Variants in TMC7 observed in about 807,000 individuals in gnomAD.
TMC7 encodes transmembrane channel like 7.
A neutral mutation model predicts 82.9 loss-of-function variants in TMC7; 54 were observed. The ratio of observed to expected loss-of-function variants is 0.65; its 90% CI spans 0.52 to 0.82. TMC7 has a LOEUF of 0.82. Ranked by LOEUF, TMC7 falls within the 40% of genes least tolerant of loss-of-function variation. The pLI, the probability that TMC7 is intolerant of heterozygous loss-of-function variation, is 0.00. For missense variants in TMC7, 820 were observed against 901.2 expected, an observed-to-expected ratio of 0.91 and a Z score of 1.15; for synonymous variants, 350 against 337.9, an observed-to-expected ratio of 1.04 and a Z score of -0.39.
rs1961676440 is a variant in TMC7 at position 19,054,457 on chromosome 16, T to C, written c.1872-2085T>C. 2.0e-5 allele frequency among the ~76,000 whole-genome samples: 3 copies of C among 152,082 alleles called. No homozygotes were observed. In the South Asian group the frequency reaches 6.2e-4, roughly 31 times the overall value. Reference sequence around the variant, plus strand: ...TAGGCTGGGCGCGGTGGCTCACTCCTGTAATCCCAGCACTTTGGGAGGCCA... The same window carrying C: ...TAGGCTGGGCGCGGTGGCTCACTCCCGTAATCCCAGCACTTTGGGAGGCCA... On this transcript the variant is annotated intron_variant, in intron 13 of 15. Coordinates refer to ENST00000304381, the MANE Select transcript of TMC7 (RefSeq NM_024847.4).
chr16:19,016,487 T>G lies in TMC7; in HGVS notation c.349T>G (p.Trp117Gly). 1 of 1,614,200 alleles carries G rather than the reference T, an allele frequency of 6.2e-7. No homozygotes were observed. The highest frequency in any genetic ancestry group is 8.5e-7 in the Non-Finnish European group (1 of 1,180,038). Reference sequence around the variant, plus strand: ...GACACAAATGAAGTATCTCTCCGAATGGGACCAGTGGAAGCGGTATAGCAG... The same window carrying G: ...GACACAAATGAAGTATCTCTCCGAAGGGGACCAGTGGAAGCGGTATAGCAG... ...QETQMKYLSE[W>G]DQWKRYSSKS... Residue 117 changes from tryptophan (W) to glycine (G), a missense_variant, in exon 3 of 16, where the codon TGG (tryptophan) becomes GGG (glycine). Around this residue, in one of 2 missense-constraint regions of TMC7, gnomAD observed 650 missense variants for 669.9 expected, o/e 0.97. Coordinates refer to ENST00000304381, the MANE Select transcript of TMC7 (RefSeq NM_024847.4).
intron 1 of TMC7, among the ~76,000 whole-genome samples, chr16:18,993,947 G>A (rs1421394229): frequency 6.6e-6 from 1 of 152,152 alleles, no homozygotes. Context: ...TGGTGATTAG[G>A]CCTGGTGGAG....
At chr16:19,026,739 G>GTA (rs1469059519) in intron 5 of TMC7, among the ~76,000 whole-genome samples, 1 of 152,066 alleles carries the variant, frequency 6.6e-6, no homozygotes, top group Non-Finnish European at 1.5e-5. Flanking sequence ...GACCTGTGCT[G>GTA]TATAACAATG....
At chr16:18,995,669 G>C (rs1354459599) in intron 1 of TMC7, among the ~76,000 whole-genome samples, 2 of 152,226 alleles carry the variant, frequency 1.3e-5, no homozygotes, top group African/African-American at 4.8e-5. Context: ...TTGTGTGCTA[G>C]AGATGTGGCT....
chr16:19,008,343 G>T (rs1388277001), intron 1 of TMC7, among the ~76,000 whole-genome samples: 2 of 152,230 alleles, frequency 1.3e-5, no homozygotes, highest in African/African-American at 4.8e-5. Context: ...TTTGGAGTCA[G>T]CCCTGGCTTT....
chr16:18,993,458 G>A (rs892939490), intron 1 of TMC7, among the ~76,000 whole-genome samples: 1 of 152,206 alleles, frequency 6.6e-6, no homozygotes, highest in African/African-American at 2.4e-5. Context: ...TGTGTGGGAA[G>A]AGATTGATAG....
chr16:18,997,523 C>T (rs949523914), intron 1 of TMC7, among the ~76,000 whole-genome samples: 3 of 152,010 alleles, frequency 2.0e-5, no homozygotes, highest in African/African-American at 7.2e-5. Context: ...GCGCCCACCA[C>T]CACACCCAGC....
intron 2 of TMC7, among the ~76,000 whole-genome samples, chr16:19,009,978 TTTTC>T (rs987311219): frequency 2.0e-5 from 3 of 150,012 alleles, no homozygotes; most frequent in African/African-American, 4.9e-5. Flanking sequence ...TCTTTCTTTC[TTTTC>T]TTTCTTTCTT....
At chr16:19,056,521 C>T (rs762776028) in intron 13 of TMC7, 21 bp from the exon 14 acceptor site, 11 of 1,609,912 alleles carry the variant, frequency 6.8e-6, no homozygotes, top group South Asian at 1.1e-5. Context: ...CTTCTGAGCC[C>T]GTTGGTCTGT....
At chr16:19,061,275 A>G (rs1236312202) in intron 15 of TMC7, among the ~76,000 whole-genome samples, 3 of 151,998 alleles carry the variant, frequency 2.0e-5, no homozygotes. Context: ...GGCCTCCCAA[A>G]GTGCTGAGAT....
intron 15 of TMC7, 62 bp downstream of exon 15, chr16:19,059,556 A>G (rs1407801462): frequency 9.3e-6 from 15 of 1,613,938 alleles, no homozygotes; most frequent in Non-Finnish European, 1.3e-5. Flanking sequence ...ACTGCAAGGA[A>G]AGTGCTGTTT....
At chr16:19,043,258 T>G (rs1186305571) in intron 9 of TMC7, among the ~76,000 whole-genome samples, 1 of 152,162 alleles carries the variant, frequency 6.6e-6, no homozygotes, top group East Asian at 1.9e-4. Context: ...TTTTTCACTT[T>G]TCAGCATGCC....
At chr16:18,993,829 G>A (rs1183113604) in intron 1 of TMC7, among the ~76,000 whole-genome samples, 1 of 152,172 alleles carries the variant, frequency 6.6e-6, no homozygotes, top group Non-Finnish European at 1.5e-5. Flanking sequence ...GAGGGCCCGA[G>A]TTAAGGCAAT....
rs558164326 is a variant in TMC7 at position 19,034,440 on chromosome 16, T to C, written c.858-1236T>C. Among the ~76,000 whole-genome samples the C allele has an allele frequency of 1.2e-4, 18 of 151,556 alleles. No homozygotes were observed. In the East Asian group the frequency reaches 3.1e-3, roughly 26 times the overall value. ...GGTGAAATCCTGTCTCTACTAAAAATACAGAAAATTAGCTGGGCGTGGTGG... is the reference window on the plus strand; with the variant it reads ...GGTGAAATCCTGTCTCTACTAAAAACACAGAAAATTAGCTGGGCGTGGTGG... On this transcript the variant is annotated intron_variant, in intron 6 of 15. Transcript: ENST00000304381.
Position 19,040,361 on chromosome 16 carries a change from A to C in TMC7, c.1252A>C (p.Asn418His). The change falls in exon 9 of 16, where the codon AAT (asparagine) becomes CAT (histidine). Residue 418 changes from asparagine (N) to histidine (H), a missense_variant. This residue lies in a region of TMC7 where 650 missense variants were observed against 669.9 expected (regional missense o/e 0.97). Transcript: ENST00000304381. ...YLPSIVITLA[N>H]FITPMIFAKI... ...ACCGTCTATTGTGATCACGCTGGCC[A>C]ATTTTATCACCCCAATGATCTTTGC... 1.9e-6 allele frequency: 3 copies of C among 1,613,950 alleles called. No homozygotes were observed. The highest frequency in any genetic ancestry group is 2.5e-6 in the Non-Finnish European group (3 of 1,179,986).
At chr16:19,046,304 G>A (rs577946437) in intron 11 of TMC7, among the ~76,000 whole-genome samples, 1 of 152,262 alleles carries the variant, frequency 6.6e-6, no homozygotes, top group South Asian at 2.1e-4. Flanking sequence ...GTAAAATGGG[G>A]ATAGTAGTAG....
chr16:19,023,786 C>T (rs916837074), intron 5 of TMC7, among the ~76,000 whole-genome samples: 5 of 152,124 alleles, frequency 3.3e-5, no homozygotes, highest in African/African-American at 1.2e-4. Flanking sequence ...AACACAATAC[C>T]GAGGTCCCCC....
intron 3 of TMC7, among the ~76,000 whole-genome samples, chr16:19,017,122 T>C (rs1959731359): frequency 6.6e-6 from 1 of 152,036 alleles, no homozygotes; most frequent in South Asian, 2.1e-4. Flanking sequence ...GAGGTGGACG[T>C]TGCAGTGAGC....
chr16:19,043,038 G>A (rs1213909758), intron 9 of TMC7, among the ~76,000 whole-genome samples: 1 of 151,856 alleles, frequency 6.6e-6, no homozygotes, highest in Non-Finnish European at 1.5e-5. Context: ...GAGCCACCGT[G>A]CCCGGCTACT....
Sources: allele counts gnomAD v4.1 joint callset (sites outside exome capture counted in the v4.1 genomes callset), GRCh38; gene constraint gnomAD v4.1.1; regional missense constraint gnomAD v4.1.1; transcripts MANE v1.5; gene names NCBI Gene and HGNC (gene_info 2026-07-23, HGNC 2026-07-21).